Variants in ANKFN1 observed in about 807,000 individuals in gnomAD.
ANKFN1 encodes the protein ankyrin repeat and fibronectin type III domain containing 1.
In ANKFN1, 74 loss-of-function variants were observed where a neutral mutation model predicts 108.7. The observed-to-expected ratio is 0.68, with a 90% CI of 0.56 to 0.83. ANKFN1 has a LOEUF of 0.83. ANKFN1 is among the 40% of genes least tolerant of loss of function. The probability of loss-of-function intolerance (pLI) is 0.00; values close to 1 mark genes in which losing one functional copy is unlikely to be tolerated. For missense variants in ANKFN1, 1,505 were observed against 1,382.3 expected (o/e 1.09, Z -1.41); for synonymous variants, 547 against 516.2 (o/e 1.06, Z -0.81).
At chr17:56,151,548 C>T (rs1375539061), upstream of ANKFN1, among the ~76,000 whole-genome samples, 1 of 152,056 alleles carries the variant, frequency 6.6e-6, no homozygotes, top group Non-Finnish European at 1.5e-5. Flanking sequence ...GAAACACGCC[C>T]TTAAATGGGG....
intron 3 of ANKFN1, among the ~76,000 whole-genome samples, chr17:56,240,062 C>T (rs1317785288): frequency 6.6e-6 from 1 of 152,062 alleles, no homozygotes; most frequent in Non-Finnish European, 1.5e-5. Context: ...TTGTCATGCA[C>T]ATTTAACTAA....
Position 56,164,108 on chromosome 17 carries a change from T to A in ANKFN1, c.-71+10578T>A, listed in dbSNP as rs541132014. 8.5e-5 allele frequency among the ~76,000 whole-genome samples: 13 copies of A among 152,274 alleles called. No individual in the cohort carries two copies. The East Asian group carries it at 2.3e-3, about 27-fold the overall frequency. On this transcript the variant is annotated intron_variant, in intron 1 of 20. Transcript: ENST00000682825. ...TCATGATCTGTCTTCCATCCATATC[T>A]CCAGTCTTGTATTTTATTCCCCTCA... is the stretch of plus-strand genomic sequence containing the variant.
chr17:56,218,269 A>G (rs908056892), intron 2 of ANKFN1, among the ~76,000 whole-genome samples: 3 of 146,568 alleles, frequency 2.0e-5, no homozygotes, highest in African/African-American at 7.6e-5. Flanking sequence ...GTTCCTCAAC[A>G]CAAATATCTG....
At chr17:56,158,433 A>G (rs924228573) in intron 1 of ANKFN1, among the ~76,000 whole-genome samples, 1 of 152,220 alleles carries the variant, frequency 6.6e-6, no homozygotes, top group Non-Finnish European at 1.5e-5. Context: ...TTACGGCCCT[A>G]GCAGAAATGA....
intron 4 of ANKFN1, among the ~76,000 whole-genome samples, chr17:56,103,889 C>G (rs1905694162): frequency 6.6e-6 from 1 of 152,156 alleles, no homozygotes; most frequent in African/African-American, 2.4e-5. Flanking sequence ...CTTCAGGGAT[C>G]TGTGGGACTT....
chr17:56,378,260 TAAG>T (rs1444986170), intron 8 of ANKFN1, among the ~76,000 whole-genome samples: 4 of 152,128 alleles, frequency 2.6e-5, no homozygotes, highest in African/African-American at 9.7e-5. Flanking sequence ...TTTCAGCTTC[TAAG>T]AAGGAGAGTC....
intron 4 of ANKFN1, among the ~76,000 whole-genome samples, chr17:56,084,938 G>C (rs754962696): frequency 2.7e-5 from 4 of 150,854 alleles, no homozygotes; most frequent in Admixed American, 6.6e-5. Flanking sequence ...GTGAAGTCGG[G>C]AGCCTCAGAC....
chr17:56,380,887 C>T (rs2047081822), intron 8 of ANKFN1, among the ~76,000 whole-genome samples: 1 of 152,204 alleles, frequency 6.6e-6, no homozygotes, highest in African/African-American at 2.4e-5. Flanking sequence ...ACAGCAGTAA[C>T]CTCTGCAGAC....
chr17:56,423,890 C>G (rs2048481596), intron 8 of ANKFN1, among the ~76,000 whole-genome samples: 1 of 152,174 alleles, frequency 6.6e-6, no homozygotes, highest in Non-Finnish European at 1.5e-5. Flanking sequence ...GTTTACATCC[C>G]TGTCACCCAC....
At chr17:56,147,220 A>G (rs1365179484) in intron 4 of ANKFN1, among the ~76,000 whole-genome samples, 1 of 152,202 alleles carries the variant, frequency 6.6e-6, no homozygotes, top group Admixed American at 6.5e-5. Flanking sequence ...AAACCTTCCC[A>G]CATCTTCCTG....
In ANKFN1 at chr17:56,513,660, A is replaced by G. The variant is rs1234424128; in HGVS notation, c.*2391A>G. On this transcript the variant is annotated 3_prime_UTR_variant, in exon 21 of 21. Transcript: ENST00000682825. Reference sequence around the variant, plus strand: ...CCTTCTGACCCCTCATTTGGTCAGTAAGTTCTGGCATACTGGACCAAAACT... The same window carrying G: ...CCTTCTGACCCCTCATTTGGTCAGTGAGTTCTGGCATACTGGACCAAAACT... Among the ~76,000 whole-genome samples, 1 of 152,188 alleles carries G rather than the reference A, an allele frequency of 6.6e-6. No individual in the cohort carries two copies. Among genetic ancestry groups the G allele is most frequent in the African/African-American group, 2.4e-5 (1 of 41,446 alleles).
chr17:56,300,590 G>GTTT (rs33957848), intron 3 of ANKFN1, among the ~76,000 whole-genome samples: 13 of 131,692 alleles, frequency 9.9e-5, no homozygotes, highest in African/African-American at 2.9e-4. Flanking sequence ...ACAGGAAATT[G>GTTT]TTTTTTTTTT....
chr17:56,252,799 C>T (rs189652727), intron 3 of ANKFN1, among the ~76,000 whole-genome samples: 6 of 150,664 alleles, frequency 4.0e-5, no homozygotes, highest in Admixed American at 2.7e-4. Flanking sequence ...GTGGCTCACA[C>T]GTGTAATCCC....
At chr17:56,445,508 G>A (rs1171591297) in intron 10 of ANKFN1, among the ~76,000 whole-genome samples, 1 of 152,158 alleles carries the variant, frequency 6.6e-6, no homozygotes, top group African/African-American at 2.4e-5. Flanking sequence ...AGGGATAACT[G>A]GCAAAGAACT....
chr17:56,324,633 G>T (rs978001301), intron 3 of ANKFN1, among the ~76,000 whole-genome samples: 1 of 152,186 alleles, frequency 6.6e-6, no homozygotes, highest in African/African-American at 2.4e-5. Flanking sequence ...CCTAAGGTGT[G>T]CAAGAGAAGC....
chr17:56,290,786 C>T (rs1469307035), intron 3 of ANKFN1, among the ~76,000 whole-genome samples: 2 of 152,108 alleles, frequency 1.3e-5, no homozygotes, highest in African/African-American at 4.8e-5. Context: ...CCTCTCATCT[C>T]AATTTTTATT....
At chr17:56,332,606 G>A (rs373048837) in intron 4 of ANKFN1, among the ~76,000 whole-genome samples, 6 of 152,022 alleles carry the variant, frequency 3.9e-5, no homozygotes, top group East Asian at 1.9e-4. Context: ...GATCATATAC[G>A]TACAGGTTGT....
chr17:56,214,277 TAAG>T (rs1273035147), intron 2 of ANKFN1, among the ~76,000 whole-genome samples: 1 of 152,136 alleles, frequency 6.6e-6, no homozygotes, highest in Non-Finnish European at 1.5e-5. Flanking sequence ...TGTGCGTTAA[TAAG>T]AATACATCCA....
intron 1 of ANKFN1, among the ~76,000 whole-genome samples, chr17:56,154,614 A>G (rs1439130744): frequency 6.6e-6 from 1 of 150,690 alleles, no homozygotes; most frequent in Non-Finnish European, 1.5e-5. Context: ...TGGCTACTGC[A>G]TTAACCTATT....
Sources: allele counts gnomAD v4.1 joint callset (sites outside exome capture counted in the v4.1 genomes callset), GRCh38; gene constraint gnomAD v4.1.1; transcripts MANE v1.5; gene names NCBI Gene and HGNC (gene_info 2026-07-23, HGNC 2026-07-21).